ZNF691: variants seen among roughly 807,000 people sequenced by gnomAD.
The protein encoded by ZNF691 is zinc finger protein 691.
ZNF691 carries 11 observed loss-of-function variants against 24.1 expected under a neutral mutation model. That is an observed-to-expected ratio of 0.46 (90% confidence interval 0.29 to 0.75). ZNF691 has a LOEUF of 0.75. Ranked by LOEUF, ZNF691 falls within the 30% of genes least tolerant of loss-of-function variation. The probability of loss-of-function intolerance (pLI) is 0.11; values close to 1 mark genes in which losing one functional copy is unlikely to be tolerated. For missense variants in ZNF691, 356 were observed against 409.0 expected (o/e 0.87, Z 1.12); for synonymous variants, 149 against 153.9 (o/e 0.97, Z 0.23).
chr1:42,852,022 C>A lies in ZNF691; in HGVS notation c.*209C>A. On this transcript the variant is annotated 3_prime_UTR_variant, in exon 4 of 4. Coordinates refer to ENST00000651192, the MANE Select transcript of ZNF691 (RefSeq NM_001242739.2). ...CCCTTGCCTCTTTCCAGGCCAATTTCTCGTGTTGGAAAGTCAGAAGACCCA... is the reference window on the plus strand; with the variant it reads ...CCCTTGCCTCTTTCCAGGCCAATTTATCGTGTTGGAAAGTCAGAAGACCCA... 1.3e-6 allele frequency: 1 copy of A among 792,400 alleles called. No individual in the cohort carries two copies. Among genetic ancestry groups the A allele is most frequent in the Non-Finnish European group, 2.2e-6 (1 of 461,894 alleles). 49.1% of individuals were successfully genotyped at this position (792,400 alleles called of 1,614,324 possible). A position where few individuals can be genotyped will look rare whatever the true frequency, so the allele number is the denominator to read the frequency against.
chr1:42,851,349 G>A lies in ZNF691; in HGVS notation c.484G>A (p.Glu162Lys), dbSNP rs1242617604. ...FSRSSNRIRHERIHLEEKHYK... is the reference protein window; with the variant it reads ...FSRSSNRIRHKRIHLEEKHYK... ...GAGAAGCTCCAACCGCATCCGGCAC[G>A]AGCGGATCCACCTGGAAGAGAAACA... Residue 162 changes from glutamate to lysine, a missense_variant, in exon 4 of 4, where the codon GAG becomes AAG. Physicochemically the swap from Glu to Lys is moderately conservative, Grantham distance 56. Transcript: ENST00000651192. The surrounding 1 kb of genome is among the most constrained non-coding windows in gnomAD (Gnocchi z 4.7). The A allele has an allele frequency of 3.1e-6, 5 of 1,613,812 alleles. No homozygotes were observed. Among genetic ancestry groups the A allele is most frequent in the Admixed American group, 3.3e-5 (2 of 59,986 alleles).
chr1:42,849,451 T>C (rs1013488742), intron 2 of ZNF691, 38 bp downstream of exon 2: 7 of 670,588 alleles, frequency 1.0e-5, no homozygotes, highest in Non-Finnish European at 1.9e-5. Context: ...GAGTTTAGGC[T>C]CAGAGTGGTT....
intron 1 of ZNF691, among the ~76,000 whole-genome samples, chr1:42,847,255 A>G (rs770124696): frequency 2.0e-5 from 3 of 152,054 alleles, no homozygotes; most frequent in African/African-American, 4.8e-5. Flanking sequence ...ACTTGGCCCC[A>G]AAGACCTGTA....
At chr1:42,848,179 G>A (rs1279005522) in intron 1 of ZNF691, among the ~76,000 whole-genome samples, 1 of 152,140 alleles carries the variant, frequency 6.6e-6, no homozygotes, top group East Asian at 1.9e-4. Context: ...TAAATTATAG[G>A]TTCTCAGAAT....
chr1:42,851,091 C>T lies in ZNF691; in HGVS notation c.226C>T (p.Leu76=). The T allele has an allele frequency of 6.2e-7, 1 of 1,611,672 alleles. No individual in the cohort carries two copies. Among genetic ancestry groups the T allele is most frequent in the Non-Finnish European group, 8.5e-7 (1 of 1,178,596 alleles). The change falls in exon 4 of 4, where the codon CTG becomes TTG. Residue 76 remains leucine (L), a synonymous_variant. Coordinates refer to ENST00000651192, the MANE Select transcript of ZNF691 (RefSeq NM_001242739.2). This position sits in a 1 kb window ranked among gnomAD's most constrained non-coding sequence, Gnocchi z 4.7. The stretch of plus-strand genomic sequence containing the variant: ...GGAGAAGGAGCATGGGCAAGAGAGC[C>T]TGTCGGATGAACTGCAAGAAACTCA... The part of the protein sequence containing the change: ...PGEKEHGQES[L]SDELQETHPK...
rs547945731 is a variant in ZNF691 at position 42,851,154 on chromosome 1, C to G, written c.289C>G (p.Arg97Gly). The G allele has an allele frequency of 2.5e-6, 4 of 1,614,048 alleles. No homozygotes were observed. Among genetic ancestry groups the G allele is most frequent in the African/African-American group, 2.7e-5 (2 of 74,896 alleles). The change falls in exon 4 of 4, where the codon CGA becomes GGA. Residue 97 changes from arginine (R) to glycine (G), a missense_variant. Arg to Gly is a moderately radical substitution (Grantham distance 125, BLOSUM62 -2). Transcript: ENST00000651192. This position sits in a 1 kb window ranked among gnomAD's most constrained non-coding sequence, Gnocchi z 4.7. ...ATGGCAGAAAGTCACTGTCCGGGCT[C>G]GAGAGCTAGGGGACCCCATTGCTCA... ...KPWQKVTVRA[R>G]ELGDPIAHPR...
In ZNF691 at chr1:42,850,947, C is replaced by T; in HGVS notation, c.85-3C>T. The stretch of plus-strand genomic sequence containing the variant: ...GGTGTTGGCCATTTGTGTTCATTCT[C>T]AGGGTTCAGAGATGGGCAGTGAGAA... On this transcript the variant is annotated splice_polypyrimidine_tract_variant and splice_region_variant and intron_variant, in intron 3 of 3. Transcript: ENST00000651192. 2.6e-6 allele frequency: 4 copies of T among 1,534,604 alleles called. No individual in the cohort carries two copies. Among genetic ancestry groups the T allele is most frequent in the Non-Finnish European group, 1.7e-6 (2 of 1,145,854 alleles).
At chr1:42,849,167 A>T (rs1655312984) in intron 1 of ZNF691, 124 bp from the exon 2 acceptor site, 1 of 293,828 alleles carries the variant, frequency 3.4e-6, no homozygotes, top group Admixed American at 5.0e-5. Context: ...TGGTTCTTAA[A>T]GAGTTGAGGT....
rs1465205453 is a variant in ZNF691 at position 42,846,630 on chromosome 1, C to G, written c.-245C>G. The G allele has an allele frequency of 2.6e-5, 4 of 152,504 alleles. No individual in the cohort carries two copies. The highest frequency in any genetic ancestry group is 5.9e-5 in the Non-Finnish European group (4 of 68,244). The allele number at this position is 152,504 out of a possible 1,614,324, so 9.4% of individuals were successfully genotyped here. A position where few individuals can be genotyped will look rare whatever the true frequency, so the allele number is the denominator to read the frequency against. On this transcript the variant is annotated 5_prime_UTR_variant, in exon 1 of 4. Transcript: ENST00000651192. ...CCTTCCCTCGCCTACAGAGGCGGCG[C>G]TGTCCCTGATCGAGCGGCGGGAGCG...
intron 1 of ZNF691, among the ~76,000 whole-genome samples, chr1:42,847,888 T>A (rs1023128550): frequency 5.9e-5 from 9 of 152,246 alleles, no homozygotes; most frequent in African/African-American, 2.2e-4. Flanking sequence ...ATGATTCATA[T>A]ATGGTCCTTA....
rs1399786301 is a variant in ZNF691, at chr1:42,852,393, C to T, written c.*580C>T. The T allele has an allele frequency of 2.1e-5, 4 of 186,570 alleles. No individual in the cohort carries two copies. The highest frequency in any genetic ancestry group is 7.2e-5 in the African/African-American group (3 of 41,746). The allele number at this position is 186,570 out of a possible 1,614,324, so 11.6% of individuals were successfully genotyped here. A position where few individuals can be genotyped will look rare whatever the true frequency, so the allele number is the denominator to read the frequency against. On this transcript the variant is annotated 3_prime_UTR_variant, in exon 4 of 4. Transcript: ENST00000651192. ...GCCATGACCCAGGGACCTTCACACT[C>T]CCCCATGTTTGTTACTTGTTATCCC...
At position 42,851,688 on chromosome 1, in the gene ZNF691, C is replaced by G; in HGVS notation, c.823C>G (p.Arg275Gly). 6.2e-7 allele frequency: 1 copy of G among 1,614,216 alleles called. No homozygotes were observed. The highest frequency in any genetic ancestry group is 1.1e-5 in the South Asian group (1 of 91,084). ...SDISNFGAHQ[R>G]THRGEKPYRC... is the part of the protein sequence containing the mutation. ...TATCTCCAACTTTGGAGCACACCAG[C>G]GGACCCACAGAGGGGAGAAGCCCTA... Residue 275 changes from arginine to glycine, a missense_variant, in exon 4 of 4, where the codon CGG becomes GGG. Physicochemically the swap from Arg to Gly is moderately radical, Grantham distance 125. Coordinates refer to ENST00000651192, the MANE Select transcript of ZNF691 (RefSeq NM_001242739.2). The surrounding 1 kb of genome is among the most constrained non-coding windows in gnomAD (Gnocchi z 4.7).
chr1:42,848,407 A>G (rs1655296022), intron 1 of ZNF691, among the ~76,000 whole-genome samples: 1 of 152,350 alleles, frequency 6.6e-6, no homozygotes, highest in East Asian at 1.9e-4. Flanking sequence ...CAAGTTGCTT[A>G]TAAACTACTA....
Position 42,851,581 on chromosome 1 carries a change from G to T in ZNF691, c.716G>T (p.Ser239Ile). The T allele has an allele frequency of 6.2e-7, 1 of 1,614,194 alleles. No individual in the cohort carries two copies. The highest frequency in any genetic ancestry group is 1.1e-5 in the South Asian group (1 of 91,086). The change falls in exon 4 of 4, where the codon AGC becomes ATC. Residue 239 changes from serine to isoleucine, a missense_variant. Ser to Ile is a moderately radical substitution (Grantham distance 142). Transcript: ENST00000651192. This position sits in a 1 kb window ranked among gnomAD's most constrained non-coding sequence, Gnocchi z 4.7. ...CCECGKSFSNSSSFGVHHRTH... is the reference protein window; with the variant it reads ...CCECGKSFSNISSFGVHHRTH... Reference sequence around the variant, plus strand: ...GAGTGTGGGAAGAGCTTCAGCAACAGCTCCAGCTTTGGCGTGCATCACCGC... The same window carrying T: ...GAGTGTGGGAAGAGCTTCAGCAACATCTCCAGCTTTGGCGTGCATCACCGC...
Position 42,852,038 on chromosome 1 carries a change from A to G in ZNF691, c.*225A>G. ...GGCCAATTTCTCGTGTTGGAAAGTC[A>G]GAAGACCCAGTCTTGGCTTTACTTT... On this transcript the variant is annotated 3_prime_UTR_variant, in exon 4 of 4. Transcript: ENST00000651192. The G allele has an allele frequency of 4.2e-6, 3 of 720,774 alleles. No individual in the cohort carries two copies. In the Admixed American group the frequency reaches 6.2e-5, roughly 15 times the overall value. 44.6% of individuals were successfully genotyped at this position (720,774 alleles called of 1,614,324 possible).
At chr1:42,847,952 G>C (rs1240759622) in intron 1 of ZNF691, among the ~76,000 whole-genome samples, 3 of 152,228 alleles carry the variant, frequency 2.0e-5, no homozygotes, top group Non-Finnish European at 4.4e-5. Flanking sequence ...TAATGTGCCA[G>C]GTGCTGTGTT....
chr1:42,849,619 C>G lies in ZNF691; in HGVS notation c.-40C>G. On this transcript the variant is annotated 5_prime_UTR_variant, in exon 3 of 4. Transcript: ENST00000651192. The stretch of plus-strand genomic sequence containing the variant: ...GTCTTTCATTTTCTATCATCAGTGT[C>G]CTATGATAGTTTGTGCTTCCCTCCC... 7.2e-7 allele frequency: 1 copy of G among 1,381,226 alleles called. No individual in the cohort carries two copies. The highest frequency in any genetic ancestry group is 1.2e-5 in the South Asian group (1 of 80,436). 85.6% of individuals were successfully genotyped at this position (1,381,226 alleles called of 1,614,324 possible). A position where few individuals can be genotyped will look rare whatever the true frequency, so the allele number is the denominator to read the frequency against.
intron 1 of ZNF691, among the ~76,000 whole-genome samples, chr1:42,848,074 T>C (rs1655288013): frequency 6.6e-6 from 1 of 152,236 alleles, no homozygotes; most frequent in Non-Finnish European, 1.5e-5. Context: ...TCTGTTTCAG[T>C]ACACTGTATC....
At chr1:42,846,709 G>C (rs1655246985) in intron 1 of ZNF691, 52 bp downstream of exon 1, 5 of 152,552 alleles carry the variant, frequency 3.3e-5, no homozygotes, top group Admixed American at 6.6e-5. Flanking sequence ...ACGACTTCGC[G>C]GGAAACTCTG....
Sources: allele counts gnomAD v4.1 joint callset (sites outside exome capture counted in the v4.1 genomes callset), GRCh38; gene constraint gnomAD v4.1.1; non-coding constraint Gnocchi (gnomAD v3.1); transcripts MANE v1.5; gene names NCBI Gene and HGNC (gene_info 2026-07-23, HGNC 2026-07-21).